PCDH11X: variants seen among roughly 807,000 people sequenced by gnomAD.
PCDH11X encodes protocadherin 11 X-linked.
PCDH11X carries 18 observed loss-of-function variants against 53.3 expected under a neutral mutation model. That is an observed-to-expected ratio of 0.34 (90% CI 0.23 to 0.50). The LOEUF is 0.50. Among genes scored for constraint, PCDH11X ranks in the 20% least tolerant of loss-of-function variants. The pLI, the probability that PCDH11X is intolerant of heterozygous loss-of-function variation, is 0.98. For missense variants in PCDH11X, 570 were observed against 1,032.4 expected, an observed-to-expected ratio of 0.55 and a Z score of 6.14; for synonymous variants, 279 against 393.3, an observed-to-expected ratio of 0.71 and a Z score of 3.44.
At chrX:92,320,309 G>A (rs763461996) in intron 8 of PCDH11X, among the ~76,000 whole-genome samples, 12 of 111,319 alleles carry the variant, frequency 1.1e-4, no homozygotes, top group Non-Finnish European at 2.1e-4. Flanking sequence ...CTGCTGAAAT[G>A]TGTATTACCT....
At position 92,531,327 on chromosome X, in the gene PCDH11X, G is replaced by A. The variant is rs942191874; in HGVS notation, c.3367+63005G>A. ...GTTCCAATTTTTCTTAACTTTAGAT[G>A]TCAAAGTTATTAGCTCCATAGGTGA... On this transcript the variant is annotated intron_variant, in intron 10 of 10. Transcript: ENST00000682573. Among the ~76,000 whole-genome samples, 3 of 111,254 alleles carry A rather than the reference G, an allele frequency of 2.7e-5. No homozygotes were observed. In the Admixed American group the frequency reaches 2.9e-4, roughly 11 times the overall value.
intron 7 of PCDH11X, among the ~76,000 whole-genome samples, chrX:92,234,785 C>A (rs1320241511): frequency 9.1e-6 from 1 of 110,428 alleles, no homozygotes; most frequent in Non-Finnish European, 1.9e-5. Context: ...TTAATAAGAA[C>A]CATGGAGGAA....
At chrX:91,858,380 G>A (rs896887036) in intron 5 of PCDH11X, among the ~76,000 whole-genome samples, 10 of 111,599 alleles carry the variant, frequency 9.0e-5, no homozygotes, top group Non-Finnish European at 1.1e-4. Context: ...TTGTCTTCTC[G>A]ATTGATATTT....
chrX:91,946,800 G>A (rs1276251483), intron 6 of PCDH11X, among the ~76,000 whole-genome samples: 9 of 96,650 alleles, frequency 9.3e-5, no homozygotes, highest in South Asian at 5.1e-4. Flanking sequence ...TTCAAAATTC[G>A]TCCATACTTA....
chrX:92,271,203 T>C (rs1328018276), intron 8 of PCDH11X, among the ~76,000 whole-genome samples: 1 of 112,269 alleles, frequency 8.9e-6, no homozygotes, highest in African/African-American at 3.2e-5. Flanking sequence ...CAAATGGAGA[T>C]TTCCTTTATA....
chrX:92,461,968 A>G (rs959168653), intron 9 of PCDH11X, among the ~76,000 whole-genome samples: 5 of 112,458 alleles, frequency 4.4e-5, no homozygotes, highest in South Asian at 3.6e-4. Flanking sequence ...TTGTTTCCTG[A>G]TATCATGTCC....
chrX:92,508,752 AATAAT>A (rs201049749), intron 10 of PCDH11X, among the ~76,000 whole-genome samples: 11,349 of 108,836 alleles, frequency 0.1, 476 homozygotes, highest in African/African-American at 0.14. Flanking sequence ...AAAATTTTGA[AATAAT>A]ATATTTCTAA....
chrX:92,069,483 A>T (rs1008431006), intron 6 of PCDH11X, among the ~76,000 whole-genome samples: 1 of 110,767 alleles, frequency 9.0e-6, no homozygotes, highest in African/African-American at 3.3e-5. Flanking sequence ...ATTATTATTG[A>T]TAAGCAGGTA....
At chrX:92,248,467 T>C (rs942298765) in intron 7 of PCDH11X, among the ~76,000 whole-genome samples, 1 of 111,166 alleles carries the variant, frequency 9.0e-6, no homozygotes, top group Non-Finnish European at 1.9e-5. Context: ...ATAATAAGCA[T>C]ACATACTTAT....
intron 10 of PCDH11X, among the ~76,000 whole-genome samples, chrX:92,605,590 C>A (rs1413772529): frequency 1.8e-5 from 2 of 111,767 alleles, no homozygotes; most frequent in Non-Finnish European, 3.8e-5. Context: ...CTTACGAAAT[C>A]TATTAAAAAC....
intron 9 of PCDH11X, among the ~76,000 whole-genome samples, chrX:92,411,868 GAAAGAAGAAGAAGAA>G (rs1047306933): frequency 1.2e-5 from 1 of 80,785 alleles, no homozygotes; most frequent in Non-Finnish European, 2.2e-5. Context: ...AAGAAAGAAA[GAAAGAAGAAGAAGAA>G]AAAGAAGAAG....
At chrX:92,481,649 G>C (rs1456861022) in intron 10 of PCDH11X, among the ~76,000 whole-genome samples, 1 of 111,671 alleles carries the variant, frequency 9.0e-6, no homozygotes, top group Non-Finnish European at 1.9e-5. Flanking sequence ...GCAGAGTTCA[G>C]GTCTGACAGT....
chrX:91,869,055 A>G (rs1376963548), intron 5 of PCDH11X, among the ~76,000 whole-genome samples: 1 of 111,679 alleles, frequency 9.0e-6, no homozygotes, highest in Non-Finnish European at 1.9e-5. Flanking sequence ...ATTTATTCAT[A>G]TTCTTAAATG....
intron 8 of PCDH11X, among the ~76,000 whole-genome samples, chrX:92,347,536 A>G (rs2069931095): frequency 8.9e-6 from 1 of 111,874 alleles, no homozygotes; most frequent in African/African-American, 3.2e-5. Flanking sequence ...TTCTCTAAGT[A>G]TGCCTGAGTG....
intron 10 of PCDH11X, among the ~76,000 whole-genome samples, chrX:92,575,978 G>GTATATATATATATA (rs1173562560): frequency 5.4e-5 from 1 of 18,454 alleles, no homozygotes; most frequent in African/African-American, 3.3e-4. Context: ...CACCTGGGGT[G>GTATATATATATATA]TATATATATA....
intron 6 of PCDH11X, among the ~76,000 whole-genome samples, chrX:92,096,099 A>G (rs2064129237): frequency 8.9e-6 from 1 of 112,122 alleles, no homozygotes; most frequent in Admixed American, 9.5e-5. Context: ...GGCATCAAAG[A>G]CAAGATGTTT....
chrX:92,446,278 A>G (rs1010289980), intron 9 of PCDH11X, among the ~76,000 whole-genome samples: 2 of 111,129 alleles, frequency 1.8e-5, no homozygotes, highest in African/African-American at 6.5e-5. Context: ...AAATGGACTC[A>G]GGAGTGAGCA....
intron 9 of PCDH11X, among the ~76,000 whole-genome samples, chrX:92,458,105 T>A (rs931860502): frequency 3.8e-4 from 39 of 103,712 alleles, no homozygotes; most frequent in African/African-American, 1.4e-3. Flanking sequence ...CTAAGTTGTG[T>A]GCAGAGCTTA....
intron 9 of PCDH11X, among the ~76,000 whole-genome samples, chrX:92,456,202 T>C (rs1254009236): frequency 9.0e-6 from 1 of 111,648 alleles, no homozygotes; most frequent in Non-Finnish European, 1.9e-5. Context: ...ATTCGAGGAA[T>C]GGATAGGACT....
Sources: gnomAD v4.1 joint callset for allele counts (sites outside exome capture counted in the v4.1 genomes callset) on GRCh38, gnomAD v4.1.1 for gene constraint, MANE v1.5 for transcripts, NCBI Gene and HGNC (gene_info 2026-07-23, HGNC 2026-07-21) for gene names.